ERG: variants seen among roughly 807,000 people sequenced by gnomAD.
The protein encoded by ERG is ETS transcription factor ERG, also known as transcriptional regulator ERG.
In ERG, 9 loss-of-function variants were observed where a neutral mutation model predicts 55.3. The ratio of observed to expected loss-of-function variants is 0.16; its 90% CI spans 0.10 to 0.28. The LOEUF is 0.28. ERG is among the 10% of genes least tolerant of loss of function. The pLI, the probability that ERG is intolerant of heterozygous loss-of-function variation, is 1.00. For synonymous variants in ERG, 223 were observed against 237.3 expected, an observed-to-expected ratio of 0.94 and a Z score of 0.55; for missense variants, 434 against 631.6, an observed-to-expected ratio of 0.69 and a Z score of 3.35.
intron 3 of ERG, among the ~76,000 whole-genome samples, chr21:38,404,740 A>G (rs756037648): frequency 6.6e-6 from 1 of 152,158 alleles, no homozygotes; most frequent in Non-Finnish European, 1.5e-5. Flanking sequence ...AGTTCCCGGG[A>G]CAAGCCCTTA....
intron 2 of ERG, among the ~76,000 whole-genome samples, chr21:38,522,124 C>T (rs1389481020): frequency 2.0e-5 from 3 of 152,012 alleles, no homozygotes; most frequent in East Asian, 3.9e-4. Context: ...AATAATTTTT[C>T]GTAAGTGGTC....
At position 38,383,271 on chromosome 21, in the gene ERG, C is replaced by A. The variant is rs1367104230; in HGVS notation, c.*132G>T. The A allele has an allele frequency of 1.5e-6, 2 of 1,336,796 alleles. No homozygotes were observed. The highest frequency in any genetic ancestry group is 2.9e-5 in the African/African-American group (2 of 68,252). The allele number at this position is 1,336,796 out of a possible 1,614,324, so 82.8% of individuals were successfully genotyped here. A position where few individuals can be genotyped will look rare whatever the true frequency, so the allele number is the denominator to read the frequency against. ...TCCCAAGAGTCTTTGGATCTCTTCC[C>A]CGGCTTCCTTCCCCAGCCCCAGTAA... On this transcript the variant is annotated 3_prime_UTR_variant, in exon 10 of 10. Coordinates refer to ENST00000288319, the MANE Select transcript of ERG (RefSeq NM_182918.4). The surrounding 1 kb of genome is among the most constrained non-coding windows in gnomAD (Gnocchi z 5.7).
At chr21:38,442,400 G>T (rs764559218) in intron 2 of ERG, among the ~76,000 whole-genome samples, 8 of 151,966 alleles carry the variant, frequency 5.3e-5, no homozygotes, top group African/African-American at 1.9e-4. Context: ...CCATCTAAAA[G>T]AAAAATAAAA....
At chr21:38,514,225 TA>T (rs890261400) in intron 2 of ERG, among the ~76,000 whole-genome samples, 44 of 146,748 alleles carry the variant, frequency 3.0e-4, no homozygotes, top group Admixed American at 6.1e-4. Context: ...AACATGCATT[TA>T]AAAAAAAAAG....
chr21:38,661,327 T>C (rs1391921262), intron 1 of ERG, among the ~76,000 whole-genome samples: 1 of 152,160 alleles, frequency 6.6e-6, no homozygotes, highest in Non-Finnish European at 1.5e-5. Context: ...CTAAGACGTT[T>C]ATAAAATGAC....
chr21:38,395,044 C>G (rs763509471), intron 6 of ERG, among the ~76,000 whole-genome samples: 1 of 152,100 alleles, frequency 6.6e-6, no homozygotes, highest in African/African-American at 2.4e-5. Context: ...GAAAATAAGT[C>G]GAAACTTAAC....
At chr21:38,587,572 G>A (rs918650923), upstream of ERG, among the ~76,000 whole-genome samples, 20 of 152,184 alleles carry the variant, frequency 1.3e-4, no homozygotes, top group African/African-American at 4.3e-4. Context: ...TAGCCAGGAC[G>A]GTCTCAATCT....
chr21:38,539,258 T>C (rs1568894954), intron 2 of ERG, among the ~76,000 whole-genome samples: 1 of 152,206 alleles, frequency 6.6e-6, no homozygotes, highest in African/African-American at 2.4e-5. Flanking sequence ...CTGTGACAAC[T>C]GATCACTTGA....
At chr21:38,457,726 G>A (rs76412815) in intron 1 of ERG, among the ~76,000 whole-genome samples, 2,321 of 152,304 alleles carry the variant, frequency 0.015, 71 homozygotes, top group African/African-American at 0.052. Flanking sequence ...GCAGCACAGA[G>A]CCACCTGTGG....
chr21:38,415,354 T>C (rs1427940875), intron 3 of ERG, among the ~76,000 whole-genome samples: 3 of 152,240 alleles, frequency 2.0e-5, no homozygotes, highest in Non-Finnish European at 4.4e-5. Context: ...TGCATATCAA[T>C]AGATAGTAGC....
chr21:38,439,616 G>A (rs1165799611), intron 2 of ERG, among the ~76,000 whole-genome samples: 1 of 152,230 alleles, frequency 6.6e-6, no homozygotes, highest in Non-Finnish European at 1.5e-5. Context: ...TCTACACAAC[G>A]TGCAATTAGA....
chr21:38,521,763 A>G (rs1407159957), intron 2 of ERG, among the ~76,000 whole-genome samples: 1 of 152,228 alleles, frequency 6.6e-6, no homozygotes, highest in Admixed American at 6.5e-5. Flanking sequence ...CAGGAACTAT[A>G]CTACTTGCAA....
chr21:38,491,810 G>A (rs985778580), intron 1 of ERG, among the ~76,000 whole-genome samples: 3 of 152,198 alleles, frequency 2.0e-5, no homozygotes, highest in African/African-American at 7.2e-5. Context: ...TAAATCAGCA[G>A]CTGATCTGGA....
intron 1 of ERG, among the ~76,000 whole-genome samples, chr21:38,584,210 C>A (rs1208427807): frequency 6.6e-6 from 1 of 152,204 alleles, no homozygotes; most frequent in Admixed American, 6.5e-5. Context: ...CATGTGAGCA[C>A]CCCCATAACC....
At chr21:38,622,951 ACAC>A (rs1330827329) in intron 1 of ERG, among the ~76,000 whole-genome samples, 1 of 3,358 alleles carries the variant, frequency 3.0e-4, no homozygotes, top group Admixed American at 2.9e-3. Flanking sequence ...ACACACACAC[ACAC>A]ATCAGCACAC....
At chr21:38,648,675 A>C (rs978224425) in intron 1 of ERG, among the ~76,000 whole-genome samples, 1 of 152,218 alleles carries the variant, frequency 6.6e-6, no homozygotes, top group Non-Finnish European at 1.5e-5. Context: ...GCAAGGGCCA[A>C]AGAACACAGG....
intron 1 of ERG, among the ~76,000 whole-genome samples, chr21:38,582,068 G>A (rs1488083592): frequency 2.0e-5 from 3 of 147,134 alleles, no homozygotes; most frequent in Non-Finnish European, 4.5e-5. Context: ...AAAAAAAAAG[G>A]GCAGAGGCTC....
chr21:38,446,226 CAAAAAAAAAAAAAAAAA>C (rs71184626), intron 1 of ERG, among the ~76,000 whole-genome samples: 3 of 63,596 alleles, frequency 4.7e-5, no homozygotes, highest in Non-Finnish European at 2.7e-5. Context: ...ATAAATGAAC[CAAAAAAAAAAAAAAAAA>C]AAAAAAAAAA....
At chr21:38,423,369 G>A in intron 3 of ERG, 41 bp downstream of exon 3, 1 of 1,584,262 alleles carries the variant, frequency 6.3e-7, no homozygotes, top group East Asian at 2.2e-5. Flanking sequence ...CCTTGGGGAA[G>A]TTGCGATCTG....
Sources: gnomAD v4.1 joint callset for allele counts (sites outside exome capture counted in the v4.1 genomes callset) on GRCh38, gnomAD v4.1.1 for gene constraint, Gnocchi (gnomAD v3.1) non-coding constraint, MANE v1.5 for transcripts, NCBI Gene and HGNC (gene_info 2026-07-23, HGNC 2026-07-21) for gene names.